ANKS1B: variants seen among roughly 807,000 people sequenced by gnomAD.
ANKS1B encodes ankyrin repeat and sterile alpha motif domain containing 1B, also known as ankyrin repeat and sterile alpha motif domain-containing protein 1B.
ANKS1B carries 36 observed loss-of-function variants against 148.3 expected under a neutral mutation model. That is an observed-to-expected ratio of 0.24 (90% CI 0.19 to 0.32). The LOEUF is 0.32. Among genes scored for constraint, ANKS1B ranks in the 10% least tolerant of loss-of-function variants. The pLI is 1.00. For missense variants in ANKS1B, 1,157 were observed against 1,542.6 expected (o/e 0.75, Z 4.19); for synonymous variants, 542 against 560.8 (o/e 0.97, Z 0.47).
intron 9 of ANKS1B, among the ~76,000 whole-genome samples, chr12:99,636,819 A>G (rs901315554): frequency 6.6e-6 from 1 of 152,216 alleles, no homozygotes; most frequent in Non-Finnish European, 1.5e-5. Flanking sequence ...CAAATAAGTG[A>G]ATTTCCAAAT....
chr12:99,709,134 C>CTG (rs147683855), intron 8 of ANKS1B, among the ~76,000 whole-genome samples: 4 of 151,972 alleles, frequency 2.6e-5, no homozygotes, highest in African/African-American at 9.7e-5. Flanking sequence ...ATGAATACTG[C>CTG]TGTGTGTGTG....
At chr12:99,042,070 A>AC (rs772998432) in intron 17 of ANKS1B, among the ~76,000 whole-genome samples, 96 of 150,544 alleles carry the variant, frequency 6.4e-4, no homozygotes, top group Non-Finnish European at 1.2e-3. Flanking sequence ...AAATAAAACA[A>AC]CCCCCCCAAA....
At chr12:99,881,629 C>T (rs1422048885) in intron 1 of ANKS1B, among the ~76,000 whole-genome samples, 1 of 152,270 alleles carries the variant, frequency 6.6e-6, no homozygotes, top group South Asian at 2.1e-4. Context: ...CTAACAAAGA[C>T]TTGAGAAATG....
rs1022954089 is a variant in ANKS1B at position 99,181,084 on chromosome 12, A to T, written c.2420-26689T>A. The stretch of plus-strand genomic sequence containing the variant: ...ATTCTTCATCAAATCTAAGCATAAA[A>T]ATATAGCTTTCCTTGGGTTTGTGGG... On this transcript the variant is annotated intron_variant, in intron 14 of 26. Transcript: ENST00000683438. 2.6e-4 allele frequency among the ~76,000 whole-genome samples: 40 copies of T among 152,162 alleles called. 1 individual carries two copies. The highest frequency in any genetic ancestry group is 5.9e-5 in the Non-Finnish European group (4 of 68,010).
At chr12:99,882,521 T>C (rs2092578620) in intron 1 of ANKS1B, among the ~76,000 whole-genome samples, 1 of 151,922 alleles carries the variant, frequency 6.6e-6, no homozygotes, top group African/African-American at 2.4e-5. Flanking sequence ...CAAAGAAAAA[T>C]GATGCATTAC....
At chr12:99,188,579 C>G (rs1470327145) in intron 14 of ANKS1B, among the ~76,000 whole-genome samples, 1 of 152,168 alleles carries the variant, frequency 6.6e-6, no homozygotes, top group South Asian at 2.1e-4. Context: ...ACTGAACAAC[C>G]TGCTCCTGAA....
At chr12:98,840,467 G>T (rs1445372564) in intron 17 of ANKS1B, among the ~76,000 whole-genome samples, 3 of 152,176 alleles carry the variant, frequency 2.0e-5, no homozygotes, top group African/African-American at 7.2e-5. Context: ...CAGCTCCAGA[G>T]AGAGCAAAGG....
chr12:99,495,755 G>A (rs1385077172), intron 10 of ANKS1B, among the ~76,000 whole-genome samples: 1 of 152,164 alleles, frequency 6.6e-6, no homozygotes, highest in African/African-American at 2.4e-5. Context: ...CAGAAATCAT[G>A]TTGACACTAC....
intron 10 of ANKS1B, among the ~76,000 whole-genome samples, chr12:99,475,262 A>G (rs1442945623): frequency 6.6e-6 from 1 of 151,568 alleles, no homozygotes; most frequent in Non-Finnish European, 1.5e-5. Context: ...AAAGAAAAAA[A>G]AAAAACCTCA....
At chr12:98,775,572 G>A (rs2098663975) in intron 24 of ANKS1B, among the ~76,000 whole-genome samples, 3 of 151,884 alleles carry the variant, frequency 2.0e-5, no homozygotes, top group Admixed American at 2.0e-4. Flanking sequence ...AGCCTCCTGA[G>A]TAGCTGGGAC....
In ANKS1B at chr12:99,316,637, G is replaced by A. The variant is rs373131404; in HGVS notation, c.1757-69773C>T. Reference sequence around the variant, plus strand: ...TGTAGGTTTCCTGTTCACTCTGATGGTAGTTTCTTTTGCTGTGCAGAAGCT... The same window carrying A: ...TGTAGGTTTCCTGTTCACTCTGATGATAGTTTCTTTTGCTGTGCAGAAGCT... On this transcript the variant is annotated intron_variant, in intron 12 of 26. Transcript: ENST00000683438. 3.7e-4 allele frequency among the ~76,000 whole-genome samples: 57 copies of A among 152,208 alleles called. No individual in the cohort carries two copies. The East Asian group carries it at 6.0e-3, about 16-fold the overall frequency.
intron 26 of ANKS1B, among the ~76,000 whole-genome samples, chr12:98,746,224 C>G (rs1185795909): frequency 6.6e-6 from 1 of 152,184 alleles, no homozygotes; most frequent in Non-Finnish European, 1.5e-5. Context: ...CACTCCCCGG[C>G]TCTCACTCTC....
intron 15 of ANKS1B, among the ~76,000 whole-genome samples, chr12:99,118,628 A>C (rs1385275398): frequency 6.6e-6 from 1 of 152,168 alleles, no homozygotes; most frequent in Non-Finnish European, 1.5e-5. Context: ...CCACCCACCC[A>C]CCAGACTGCA....
At chr12:98,984,292 A>G (rs968134381) in intron 17 of ANKS1B, among the ~76,000 whole-genome samples, 1 of 152,164 alleles carries the variant, frequency 6.6e-6, no homozygotes, top group African/African-American at 2.4e-5. Context: ...TCAACAAAGA[A>G]CTGTATAGTA....
chr12:98,860,412 C>T (rs910500339), intron 17 of ANKS1B, among the ~76,000 whole-genome samples: 4 of 152,196 alleles, frequency 2.6e-5, no homozygotes, highest in Non-Finnish European at 4.4e-5. Flanking sequence ...AGGCCTTGTG[C>T]TTACTAAGTG....
At chr12:99,878,541 T>C (rs750738883) in intron 1 of ANKS1B, among the ~76,000 whole-genome samples, 17 of 152,358 alleles carry the variant, frequency 1.1e-4, no homozygotes, top group Admixed American at 3.3e-4. Flanking sequence ...ATTTAGTTGA[T>C]AGTTTTATCC....
chr12:99,051,172 G>A (rs1479087574), intron 17 of ANKS1B, among the ~76,000 whole-genome samples: 3 of 152,102 alleles, frequency 2.0e-5, no homozygotes, highest in Admixed American at 6.5e-5. Context: ...AGGTACCCCC[G>A]GCACTGGGGA....
Position 99,394,524 on chromosome 12 carries a change from A to AC in ANKS1B, c.1756+5106dup, listed in dbSNP as rs34105282. Among the ~76,000 whole-genome samples, 587 of 144,098 alleles carry AC rather than the reference A, an allele frequency of 4.1e-3. 34 individuals are homozygous for AC. The East Asian group carries it at 0.1, about 25-fold the overall frequency. 94.5% of individuals were successfully genotyped at this position (144,098 alleles called of 152,430 possible). The stretch of plus-strand genomic sequence containing the variant: ...ATTGCTCTTGTCAAGGTCAGCAGTG[A>AC]CCCCCCCACCCCCAATATTGTTAAA... On this transcript the variant is annotated intron_variant, in intron 12 of 26. Transcript: ENST00000683438.
chr12:98,806,025 C>T lies in ANKS1B; in HGVS notation c.3141+1819G>A, dbSNP rs146194680. On this transcript the variant is annotated intron_variant, in intron 20 of 26. Transcript: ENST00000683438. ...TGGCTGGGACTACAGGCATGTGCCACCACATCTGGCTAACTTTTGTATATT... is the reference window on the plus strand; with the variant it reads ...TGGCTGGGACTACAGGCATGTGCCATCACATCTGGCTAACTTTTGTATATT... Among the ~76,000 whole-genome samples, 321 of 152,306 alleles carry T rather than the reference C, an allele frequency of 2.1e-3. 2 individuals are homozygous for T. The highest frequency in any genetic ancestry group is 7.5e-3 in the African/African-American group (310 of 41,566).
Sources: allele counts gnomAD v4.1 joint callset (sites outside exome capture counted in the v4.1 genomes callset), GRCh38; gene constraint gnomAD v4.1.1; transcripts MANE v1.5; gene names NCBI Gene and HGNC (gene_info 2026-07-23, HGNC 2026-07-21).